Variants in APRT observed in about 807,000 individuals in gnomAD.
The protein encoded by APRT is AMP diphosphorylase.
Under a neutral mutation model 21.0 loss-of-function variants are expected in APRT, and 25 were observed. That is an observed-to-expected ratio of 1.19 (90% CI 0.87 to 1.66). The LOEUF is 1.66. Among genes scored for constraint, APRT ranks in the 40% most tolerant of loss-of-function variants. The pLI is 0.00. For missense variants in APRT, 294 were observed against 232.7 expected, an observed-to-expected ratio of 1.26 and a Z score of -1.72; for synonymous variants, 153 against 109.0, an observed-to-expected ratio of 1.40 and a Z score of -2.52.
In APRT at chr16:88,809,543, C is replaced by A; in HGVS notation, c.*155G>T. The A allele has an allele frequency of 8.1e-7, 1 of 1,237,640 alleles. No homozygotes were observed. The allele number at this position is 1,237,640 out of a possible 1,614,324, so 76.7% of individuals were successfully genotyped here. On this transcript the variant is annotated 3_prime_UTR_variant, in exon 5 of 5. Coordinates refer to ENST00000378364, the MANE Select transcript of APRT (RefSeq NM_000485.3). ...AGTGTGGCTGAAACACAGCTTTGCC[C>A]CAGGCTTTGGCACTTCCAGCCCCAG...
At chr16:88,810,282 GTC>G in intron 3 of APRT, 134 bp from the exon 4 acceptor site, 1 of 1,501,220 alleles carries the variant, frequency 6.7e-7, no homozygotes, top group Non-Finnish European at 9.1e-7. Flanking sequence ...CCCAGCCTAT[GTC>G]TCAACCTCTC....
rs190222469 is a variant in APRT at position 88,809,454 on chromosome 16, G to C, written c.*244C>G. 3.1e-6 allele frequency: 2 copies of C among 646,402 alleles called. No individual in the cohort carries two copies. Among genetic ancestry groups the C allele is most frequent in the East Asian group, 3.3e-5 (1 of 30,402 alleles). The allele number at this position is 646,402 out of a possible 1,614,324, so 40.0% of individuals were successfully genotyped here. A position where few individuals can be genotyped will look rare whatever the true frequency, so the allele number is the denominator to read the frequency against. ...GGCTCCCTGCCCTGGGGAACAGGAG[G>C]ACAGGAGACGGCTCTTGTGGGAAAG... On this transcript the variant is annotated 3_prime_UTR_variant, in exon 5 of 5. Transcript: ENST00000378364.
At position 88,809,553 on chromosome 16, in the gene APRT, G is replaced by C. The variant is rs1909022890; in HGVS notation, c.*145C>G. Reference sequence around the variant, plus strand: ...AAACACAGCTTTGCCCCAGGCTTTGGCACTTCCAGCCCCAGGAGAGGCGCT... The same window carrying C: ...AAACACAGCTTTGCCCCAGGCTTTGCCACTTCCAGCCCCAGGAGAGGCGCT... On this transcript the variant is annotated 3_prime_UTR_variant, in exon 5 of 5. Coordinates refer to ENST00000378364, the MANE Select transcript of APRT (RefSeq NM_000485.3). 7.6e-7 allele frequency: 1 copy of C among 1,323,662 alleles called. No individual in the cohort carries two copies. Among genetic ancestry groups the C allele is most frequent in the South Asian group, 1.2e-5 (1 of 81,906 alleles). The allele number at this position is 1,323,662 out of a possible 1,614,324, so 82.0% of individuals were successfully genotyped here.
At chr16:88,811,210 G>C in intron 2 of APRT, 2 of 474,116 alleles carry the variant, frequency 4.2e-6, no homozygotes, top group Non-Finnish European at 7.5e-6. Flanking sequence ...CCTGGCTCGT[G>C]GCAGGCGCTC....
intron 2 of APRT, 138 bp downstream of exon 2, chr16:88,811,412 G>A (rs1215954032): frequency 3.0e-5 from 28 of 926,972 alleles, no homozygotes; most frequent in Non-Finnish European, 4.4e-5. Context: ...CTTCCCGGGC[G>A]ACCCAAGCAC....
At chr16:88,810,029 G>C in intron 4 of APRT, 41 bp downstream of exon 4, 1 of 1,606,240 alleles carries the variant, frequency 6.2e-7, no homozygotes, top group African/African-American at 1.3e-5. Flanking sequence ...CTCCCACCAG[G>C]CCCTTGGAGC....
At position 88,810,523 on chromosome 16, in the gene APRT, GA is replaced by G. The variant is rs1483747736; in HGVS notation, c.220del (p.Ser74ProfsTer63). 1.9e-6 allele frequency: 3 copies of G among 1,612,142 alleles called. No homozygotes were observed. The Admixed American group carries it at 5.0e-5, about 27-fold the overall frequency. ...GCCCAGTCCAAGCTCCTGGGCCAGG[GA>G]GGGGCCAAAGAGGAAGCCTCGGGAG... ...LDSRGFLFGPSLAQELGLGCV... is the reference protein window; with the variant it reads ...LDSRGFLFGPXLAQELGLGCV... On this transcript the variant is annotated frameshift_variant, in exon 3 of 5. Coordinates refer to ENST00000378364, the MANE Select transcript of APRT (RefSeq NM_000485.3). LOFTEE classifies it high-confidence loss of function.
chr16:88,811,447 A>C lies in APRT; in HGVS notation c.187+103T>G, dbSNP rs534162930. The C allele has an allele frequency of 2.2e-5, 28 of 1,265,692 alleles. No individual in the cohort carries two copies. The South Asian group carries it at 3.2e-4, about 15-fold the overall frequency. The allele number at this position is 1,265,692 out of a possible 1,614,324, so 78.4% of individuals were successfully genotyped here. ...CGGCGCCCGTCCCGGCGCCCCCTGA[A>C]GCACCCCAAAGGCCCTCCCCCAAGC... On this transcript the variant is annotated intron_variant, in intron 2 of 4. Transcript: ENST00000378364.
Position 88,809,646 on chromosome 16 carries a change from CTGA to C in APRT, c.*49_*51del. The C allele has an allele frequency of 6.2e-7, 1 of 1,611,876 alleles. No homozygotes were observed. On this transcript the variant is annotated 3_prime_UTR_variant, in exon 5 of 5. Transcript: ENST00000378364. ...CCCTGGTCACTGCAGTTGCCCAAGGCTGATATTTCCCTGGGATCCAGCTGGAGA... is the reference window on the plus strand; with the variant it reads ...CCCTGGTCACTGCAGTTGCCCAAGGCTATTTCCCTGGGATCCAGCTGGAGA...
Position 88,810,085 on chromosome 16 carries a change from G to A in APRT, c.385C>T (p.Leu129=), listed in dbSNP as rs376129456. ...PGQRVVVVDD[L]LATGGTMNAA... ...AGACCCTTACCACCAGTGGCCAGCA[G>A]ATCATCCACGACGACCACCCTCTGT... Residue 129 remains leucine (L), a synonymous_variant, in exon 4 of 5, where the codon CTG becomes TTG. Transcript: ENST00000378364. 7 of 1,613,154 alleles carry A rather than the reference G, an allele frequency of 4.3e-6. No homozygotes were observed. Among genetic ancestry groups the A allele is most frequent in the East Asian group, 2.2e-5 (1 of 44,902 alleles).
Position 88,810,408 on chromosome 16 carries a change from C to A in APRT, c.321+15G>T. On this transcript the variant is annotated intron_variant, in intron 3 of 4. Transcript: ENST00000378364. ...CCTGGCCCTGCCCTTCCTCTGGCCACCCCAGCCCTCTTACCTTCCCGTACT... is the reference window on the plus strand; with the variant it reads ...CCTGGCCCTGCCCTTCCTCTGGCCAACCCAGCCCTCTTACCTTCCCGTACT... 1 of 1,610,990 alleles carries A rather than the reference C, an allele frequency of 6.2e-7. No homozygotes were observed. The highest frequency in any genetic ancestry group is 8.5e-7 in the Non-Finnish European group (1 of 1,179,940).
Position 88,809,577 on chromosome 16 carries a change from C to A in APRT, c.*121G>T. The A allele has an allele frequency of 1.7e-5, 26 of 1,507,782 alleles. No homozygotes were observed. Among genetic ancestry groups the A allele is most frequent in the Non-Finnish European group, 2.4e-5 (26 of 1,094,192 alleles). 93.4% of individuals were successfully genotyped at this position (1,507,782 alleles called of 1,614,324 possible). ...GGCACTTCCAGCCCCAGGAGAGGCG[C>A]TGAACCCCAGCAAAGGAATGTGTTC... On this transcript the variant is annotated 3_prime_UTR_variant, in exon 5 of 5. Transcript: ENST00000378364.
chr16:88,811,727 G>C (rs1909151104), intron 1 of APRT, 71 bp from the exon 2 acceptor site: 1 of 1,500,608 alleles, frequency 6.7e-7, no homozygotes, highest in Admixed American at 2.2e-5. Flanking sequence ...AAAGACGAGG[G>C]TTCCCGCCCC....
chr16:88,811,021 G>A (rs8191478), intron 2 of APRT, among the ~76,000 whole-genome samples: 38,169 of 152,068 alleles, frequency 0.25, 5,318 homozygotes, highest in East Asian at 0.42. Flanking sequence ...CAGTGTTGTG[G>A]CTCCAGCAAG....
rs746541257 is a variant in APRT at position 88,811,894 on chromosome 16, G to A, written c.6C>T (p.Ala2=). The A allele has an allele frequency of 1.0e-5, 16 of 1,552,322 alleles. No homozygotes were observed. The highest frequency in any genetic ancestry group is 6.9e-5 in the African/African-American group (5 of 72,978). Residue 2 remains alanine, a synonymous_variant, in exon 1 of 5, where the codon GCC becomes GCT. Coordinates refer to ENST00000378364, the MANE Select transcript of APRT (RefSeq NM_000485.3). M[A]DSELQLVEQR... Reference sequence around the variant, plus strand: ...GCTCAACCAGCTGCAGCTCGGAGTCGGCCATGGCCGCGTGCGAAGAGCCAG... The same window carrying A: ...GCTCAACCAGCTGCAGCTCGGAGTCAGCCATGGCCGCGTGCGAAGAGCCAG...
Position 88,811,669 on chromosome 16 carries a change from A to G in APRT, c.81-13T>C. On this transcript the variant is annotated splice_polypyrimidine_tract_variant and intron_variant, in intron 1 of 4. Coordinates refer to ENST00000378364, the MANE Select transcript of APRT (RefSeq NM_000485.3). ...GGGCGAGATGTCCCTGGACCCAAGG[A>G]CAGGCCTGGTGACGCCGGGGCCGAA... 6.4e-7 allele frequency: 1 copy of G among 1,571,838 alleles called. No individual in the cohort carries two copies. The highest frequency in any genetic ancestry group is 2.3e-5 in the East Asian group (1 of 42,652).
chr16:88,811,538 C>T lies in APRT; in HGVS notation c.187+12G>A. The T allele has an allele frequency of 3.8e-6, 6 of 1,580,610 alleles. No homozygotes were observed. Among genetic ancestry groups the T allele is most frequent in the Non-Finnish European group, 5.2e-6 (6 of 1,164,838 alleles). On this transcript the variant is annotated intron_variant, in intron 2 of 4. Transcript: ENST00000378364. The stretch of plus-strand genomic sequence containing the variant: ...GGCGGAAGCGCCCTAGATGCGGCCA[C>T]TGGGCACTCGCCTGCGATGTAGTCG...
At chr16:88,810,360 C>A (rs947467388) in intron 3 of APRT, 63 bp downstream of exon 3, 1 of 1,601,262 alleles carries the variant, frequency 6.2e-7, no homozygotes, top group Admixed American at 1.7e-5. Context: ...CCTTTTAGAA[C>A]TGGGGGAGAG....
In APRT at chr16:88,810,404, G is replaced by T; in HGVS notation, c.321+19C>A. 2 of 1,610,640 alleles carry T rather than the reference G, an allele frequency of 1.2e-6. No homozygotes were observed. Among genetic ancestry groups the T allele is most frequent in the South Asian group, 2.2e-5 (2 of 91,024 alleles). On this transcript the variant is annotated intron_variant, in intron 3 of 4. Coordinates refer to ENST00000378364, the MANE Select transcript of APRT (RefSeq NM_000485.3). ...GTGGCCTGGCCCTGCCCTTCCTCTG[G>T]CCACCCCAGCCCTCTTACCTTCCCG...
Sources: allele counts gnomAD v4.1 joint callset (sites outside exome capture counted in the v4.1 genomes callset), GRCh38; gene constraint gnomAD v4.1.1; transcripts MANE v1.5; gene names NCBI Gene and HGNC (gene_info 2026-07-23, HGNC 2026-07-21).